The following ACVR2B variants were observed in gnomAD, a reference collection of about 807,000 sequenced individuals.
ACVR2B encodes activin A receptor type 2B.
A neutral mutation model predicts 65.1 loss-of-function variants in ACVR2B; 18 were observed. The observed-to-expected ratio is 0.28, with a 90% confidence interval of 0.19 to 0.41. ACVR2B has a LOEUF of 0.41. Ranked by LOEUF, ACVR2B falls within the 10% of genes least tolerant of loss-of-function variation. The pLI is 1.00. For missense variants in ACVR2B, 482 were observed against 682.7 expected, an observed-to-expected ratio of 0.71 and a Z score of 3.28; for synonymous variants, 298 against 277.7, an observed-to-expected ratio of 1.07 and a Z score of -0.73.
chr3:38,455,884 C>T (rs1229744123), intron 1 of ACVR2B, among the ~76,000 whole-genome samples: 3 of 152,158 alleles, frequency 2.0e-5, no homozygotes, highest in Non-Finnish European at 4.4e-5. Flanking sequence ...GATAGGCAGA[C>T]CGCAGCCCAC....
Position 38,477,509 on chromosome 3 carries a change from G to A in ACVR2B, c.260+15G>A, listed in dbSNP as rs768269289. On this transcript the variant is annotated intron_variant, in intron 2 of 10. Coordinates refer to ENST00000352511, the MANE Select transcript of ACVR2B (RefSeq NM_001106.4). This position sits in a 1 kb window ranked among gnomAD's most constrained non-coding sequence, Gnocchi z 6.7. ...TGCTACGATAGGTACCCCAAGACTT[G>A]CCCTCCTTTCCTCTTGGACCCACCT... 2 of 1,612,376 alleles carry A rather than the reference G, an allele frequency of 1.2e-6. No individual in the cohort carries two copies. Among genetic ancestry groups the A allele is most frequent in the East Asian group, 4.5e-5 (2 of 44,702 alleles).
intron 1 of ACVR2B, among the ~76,000 whole-genome samples, chr3:38,462,153 C>T (rs1449582593): frequency 6.6e-6 from 1 of 152,026 alleles, no homozygotes; most frequent in Non-Finnish European, 1.5e-5. Context: ...AAGATAGCAC[C>T]ACTGCACTCC....
In ACVR2B at chr3:38,477,450, C is replaced by G. The variant is rs755236399; in HGVS notation, c.216C>G (p.Leu72=). ...GCAACAGCTCTGGCACCATCGAGCTCGTGAAGAAGGGCTGCTGGCTAGATG... is the reference window on the plus strand; with the variant it reads ...GCAACAGCTCTGGCACCATCGAGCTGGTGAAGAAGGGCTGCTGGCTAGATG... ...SWRNSSGTIE[L]VKKGCWLDDF... The change falls in exon 2 of 11, where the codon CTC becomes CTG. Residue 72 remains leucine, a synonymous_variant. Transcript: ENST00000352511. This position sits in a 1 kb window ranked among gnomAD's most constrained non-coding sequence, Gnocchi z 6.7. The G allele has an allele frequency of 1.2e-6, 2 of 1,614,158 alleles. No individual in the cohort carries two copies. The highest frequency in any genetic ancestry group is 8.5e-7 in the Non-Finnish European group (1 of 1,180,002).
At position 38,478,779 on chromosome 3, in the gene ACVR2B, G is replaced by T. The variant is rs181168366; in HGVS notation, c.666+261G>T. On this transcript the variant is annotated intron_variant, in intron 5 of 10. Coordinates refer to ENST00000352511, the MANE Select transcript of ACVR2B (RefSeq NM_001106.4). ...ACCAGGGTTTTGTTTTTGACATTGG[G>T]TTCTTTCCAGCGGCCCTGGACACCA... 6.8e-3 allele frequency among the ~76,000 whole-genome samples: 1,028 copies of T among 152,232 alleles called. 15 individuals carry two copies. The highest frequency in any genetic ancestry group is 0.024 in the African/African-American group (985 of 41,540).
chr3:38,481,072 A>G lies in ACVR2B; in HGVS notation c.960-279A>G, dbSNP rs962279745. 1.3e-5 allele frequency among the ~76,000 whole-genome samples: 2 copies of G among 152,120 alleles called. No individual in the cohort carries two copies. Among genetic ancestry groups the G allele is most frequent in the African/African-American group, 4.8e-5 (2 of 41,414 alleles). ...CTGAGAATATATGGGCTGGCCTTTGATAGTGTGGGGACTGGGACAGGGTCT... is the reference window on the plus strand; with the variant it reads ...CTGAGAATATATGGGCTGGCCTTTGGTAGTGTGGGGACTGGGACAGGGTCT... On this transcript the variant is annotated intron_variant, in intron 7 of 10. Transcript: ENST00000352511. The surrounding 1 kb of genome is among the most constrained non-coding windows in gnomAD (Gnocchi z 4.7).
At position 38,481,452 on chromosome 3, in the gene ACVR2B, A is replaced by G. The variant is rs754884404; in HGVS notation, c.1061A>G (p.Asp354Gly). ...VRFEPGKPPG[D>G]THGQVGTRRY... ...TTTGAGCCAGGGAAACCTCCAGGGG[A>G]CACCCACGGACAGGTAACAGGCCTC... Residue 354 changes from aspartate to glycine, a missense_variant, in exon 8 of 11, where the codon GAC becomes GGC. Coordinates refer to ENST00000352511, the MANE Select transcript of ACVR2B (RefSeq NM_001106.4). The surrounding 1 kb of genome is among the most constrained non-coding windows in gnomAD (Gnocchi z 4.7). 5.6e-6 allele frequency: 9 copies of G among 1,614,090 alleles called. No homozygotes were observed. The Admixed American group carries it at 1.5e-4, about 27-fold the overall frequency.
In ACVR2B at chr3:38,477,231, G is replaced by T. The variant is rs1308826608; in HGVS notation, c.53-56G>T. 2 of 1,601,804 alleles carry T rather than the reference G, an allele frequency of 1.2e-6. No individual in the cohort carries two copies. The highest frequency in any genetic ancestry group is 1.7e-6 in the Non-Finnish European group (2 of 1,172,164). On this transcript the variant is annotated intron_variant, in intron 1 of 10. Coordinates refer to ENST00000352511, the MANE Select transcript of ACVR2B (RefSeq NM_001106.4). The surrounding 1 kb of genome is among the most constrained non-coding windows in gnomAD (Gnocchi z 6.7). ...CTGGCACCCAGGACTGGGAGTAGGG[G>T]TTTGGGTGGTGGTCCCAGGGGCATG...
At chr3:38,464,104 A>T (rs1052891390) in intron 1 of ACVR2B, among the ~76,000 whole-genome samples, 4 of 152,260 alleles carry the variant, frequency 2.6e-5, no homozygotes, top group African/African-American at 9.6e-5. Context: ...CAATAGTCAC[A>T]TTGGAGGTTA....
At chr3:38,461,741 T>C (rs1709650890) in intron 1 of ACVR2B, among the ~76,000 whole-genome samples, 2 of 152,278 alleles carry the variant, frequency 1.3e-5, no homozygotes, top group South Asian at 4.1e-4. Context: ...ATACCTACAT[T>C]ATATTGCAGA....
chr3:38,459,356 GGCAGCCT>G (rs1709601842), intron 1 of ACVR2B, among the ~76,000 whole-genome samples: 1 of 152,200 alleles, frequency 6.6e-6, no homozygotes, highest in East Asian at 1.9e-4. Context: ...TGGGTGGCTG[GGCAGCCT>G]GCCTGCCCGC....
rs1157438959 is a variant in ACVR2B, at chr3:38,488,760, A to G, written c.*5428A>G. The G allele has an allele frequency of 6.6e-6, 1 of 152,098 alleles. No homozygotes were observed. Among genetic ancestry groups the G allele is most frequent in the Non-Finnish European group, 1.5e-5 (1 of 68,036 alleles). The allele number at this position is 152,098 out of a possible 1,614,324, so 9.4% of individuals were successfully genotyped here. A position where few individuals can be genotyped will look rare whatever the true frequency, so the allele number is the denominator to read the frequency against. ...GCAGCTCATAGAGGTAACCGAAGTG[A>G]TTTTTCCTCAGTAATTGAAACACAT... On this transcript the variant is annotated 3_prime_UTR_variant, in exon 11 of 11. Transcript: ENST00000352511.
At chr3:38,467,414 G>A (rs566729147) in intron 1 of ACVR2B, among the ~76,000 whole-genome samples, 2 of 151,088 alleles carry the variant, frequency 1.3e-5, no homozygotes, top group East Asian at 2.0e-4. Flanking sequence ...TTGCACTCCC[G>A]CCTGGGCAAC....
chr3:38,471,502 C>T (rs920690904), intron 1 of ACVR2B, among the ~76,000 whole-genome samples: 3 of 151,944 alleles, frequency 2.0e-5, no homozygotes, highest in Admixed American at 1.3e-4. Context: ...CACATGAGTG[C>T]ACACACACAC....
intron 1 of ACVR2B, among the ~76,000 whole-genome samples, chr3:38,464,245 G>A (rs768177658): frequency 1.5e-4 from 23 of 152,242 alleles, no homozygotes; most frequent in Non-Finnish European, 2.8e-4. Flanking sequence ...TTTTTTCAGG[G>A]CTTTGCCCTG....
intron 1 of ACVR2B, among the ~76,000 whole-genome samples, chr3:38,457,767 A>C (rs1181903748): frequency 6.6e-6 from 1 of 152,196 alleles, no homozygotes; most frequent in Non-Finnish European, 1.5e-5. Context: ...GATTACTCTG[A>C]TAGGCTGACC....
chr3:38,466,652 C>A lies in ACVR2B; in HGVS notation c.53-10635C>A, dbSNP rs553174133. Among the ~76,000 whole-genome samples, 3 of 151,998 alleles carry A rather than the reference C, an allele frequency of 2.0e-5. No homozygotes were observed. In the East Asian group the frequency reaches 5.8e-4, roughly 29 times the overall value. Reference sequence around the variant, plus strand: ...CTGAGTAGCTGGGACTACAGGCACACGCCACCAAGCCTGGCTAATTTTTGT... The same window carrying A: ...CTGAGTAGCTGGGACTACAGGCACAAGCCACCAAGCCTGGCTAATTTTTGT... On this transcript the variant is annotated intron_variant, in intron 1 of 10. Transcript: ENST00000352511.
At chr3:38,456,778 C>T (rs1215328892) in intron 1 of ACVR2B, among the ~76,000 whole-genome samples, 1 of 152,190 alleles carries the variant, frequency 6.6e-6, no homozygotes, top group Non-Finnish European at 1.5e-5. Context: ...GATGGCCCCA[C>T]CCTCATGACT....
rs1470466791 is a variant in ACVR2B at position 38,483,663 on chromosome 3, C to T, written c.*331C>T. On this transcript the variant is annotated 3_prime_UTR_variant, in exon 11 of 11. Coordinates refer to ENST00000352511, the MANE Select transcript of ACVR2B (RefSeq NM_001106.4). This position sits in a 1 kb window ranked among gnomAD's most constrained non-coding sequence, Gnocchi z 4.8. ...TCCTGTCCTTTGGGATTCGTTTTTCCCGCTTTCTCTTTGTTTGTCGTCTCA... is the reference window on the plus strand; with the variant it reads ...TCCTGTCCTTTGGGATTCGTTTTTCTCGCTTTCTCTTTGTTTGTCGTCTCA... 2.6e-5 allele frequency: 4 copies of T among 156,384 alleles called. No individual in the cohort carries two copies. 9.7% of individuals were successfully genotyped at this position (156,384 alleles called of 1,614,324 possible).
intron 1 of ACVR2B, among the ~76,000 whole-genome samples, chr3:38,468,897 A>G (rs2284817): frequency 0.71 from 107,813 of 152,086 alleles, 38,617 homozygotes; most frequent in African/African-American, 0.81. Flanking sequence ...ATAATCCTTG[A>G]CCTTTACCTG....
Sources: gnomAD v4.1 joint callset for allele counts (sites outside exome capture counted in the v4.1 genomes callset) on GRCh38, gnomAD v4.1.1 for gene constraint, Gnocchi (gnomAD v3.1) non-coding constraint, MANE v1.5 for transcripts, NCBI Gene and HGNC (gene_info 2026-07-23, HGNC 2026-07-21) for gene names.